The following WDR64 variants were observed in gnomAD, a reference collection of about 807,000 sequenced individuals.
The protein encoded by WDR64 is WD repeat-containing protein 64.
In WDR64, 112 loss-of-function variants were observed where a neutral mutation model predicts 139.3. That is an observed-to-expected ratio of 0.80 (90% CI 0.69 to 0.94). The LOEUF (loss-of-function observed/expected upper bound fraction) is 0.94, where lower values mean the gene tolerates loss of function less well. Ranked by LOEUF, WDR64 falls within the 40% of genes least tolerant of loss-of-function variation. The probability of loss-of-function intolerance (pLI) is 0.00; values close to 1 mark genes in which losing one functional copy is unlikely to be tolerated. For synonymous variants in WDR64, 444 were observed against 437.7 expected (o/e 1.01, Z -0.18); for missense variants, 1,206 against 1,293.1 (o/e 0.93, Z 1.03).
intron 14 of WDR64, among the ~76,000 whole-genome samples, chr1:241,755,514 G>C (rs1014156570): frequency 7.2e-5 from 11 of 152,120 alleles, no homozygotes; most frequent in African/African-American, 2.7e-4. Context: ...TAGATTGCCT[G>C]TTCACTCTGA....
rs150522021 is a variant in WDR64 at position 241,795,233 on chromosome 1, C to T, written c.3024C>T (p.Phe1008=). The T allele has an allele frequency of 1.6e-5, 26 of 1,613,832 alleles. No individual in the cohort carries two copies. The highest frequency in any genetic ancestry group is 6.7e-5 in the Admixed American group (4 of 59,982). The part of the protein sequence containing the change: ...PKIRRYPLEG[F]VTENREAGIV... The stretch of plus-strand genomic sequence containing the variant: ...TTCGAAGATATCCCTTGGAAGGTTT[C>T]GTGACTGAAAACAGAGAGGCAGGGA... The change falls in exon 26 of 28, where the codon TTC becomes TTT. Residue 1008 remains phenylalanine (F), a synonymous_variant. Coordinates refer to ENST00000437684, the MANE Select transcript of WDR64 (RefSeq NM_001367482.1).
chr1:241,683,864 TACACACAC>T (rs11473073), intron 7 of WDR64, among the ~76,000 whole-genome samples, 163 bp downstream of exon 7: 5 of 145,476 alleles, frequency 3.4e-5, no homozygotes, highest in African/African-American at 5.1e-5. Flanking sequence ...TGTTCATGTA[TACACACAC>T]ACACACACAC....
At position 241,671,054 on chromosome 1, in the gene WDR64, T is replaced by A. The variant is rs932538122; in HGVS notation, c.277-20T>A. The A allele has an allele frequency of 4.1e-6, 6 of 1,480,606 alleles. No individual in the cohort carries two copies. The East Asian group carries it at 1.5e-4, about 37-fold the overall frequency. 91.7% of individuals were successfully genotyped at this position (1,480,606 alleles called of 1,614,324 possible). ...TTCTGAGGCATGCTGCATATTTATA[T>A]GTGCTGTTTGGGATTTCAGATCTTT... On this transcript the variant is annotated intron_variant, in intron 2 of 27. Coordinates refer to ENST00000437684, the MANE Select transcript of WDR64 (RefSeq NM_001367482.1).
chr1:241,720,368 G>A (rs1444805652), intron 9 of WDR64, among the ~76,000 whole-genome samples: 1 of 152,068 alleles, frequency 6.6e-6, no homozygotes, highest in Non-Finnish European at 1.5e-5. Context: ...AGATATTTGA[G>A]GAATCGCTAC....
chr1:241,677,233 G>A, intron 4 of WDR64: 1 of 397,468 alleles, frequency 2.5e-6, no homozygotes, highest in Non-Finnish European at 4.4e-6. Context: ...CTTTAAACAG[G>A]TGACTTCCAT....
intron 21 of WDR64, among the ~76,000 whole-genome samples, chr1:241,779,362 T>C (rs1352108968): frequency 6.6e-6 from 1 of 152,204 alleles, no homozygotes; most frequent in Non-Finnish European, 1.5e-5. Context: ...CTTTGATATG[T>C]AGTTTTTGTA....
intron 2 of WDR64, among the ~76,000 whole-genome samples, chr1:241,663,988 T>A (rs1453602796): frequency 6.6e-6 from 1 of 152,260 alleles, no homozygotes; most frequent in Non-Finnish European, 1.5e-5. Flanking sequence ...GACATAAATG[T>A]ATTTAACAAG....
rs755961052 is a variant in WDR64, at chr1:241,801,139, G to T, written c.3200G>T (p.Arg1067Leu). The T allele has an allele frequency of 2.5e-6, 4 of 1,613,020 alleles. No individual in the cohort carries two copies. In the Middle Eastern group the frequency reaches 6.6e-4, roughly 267 times the overall value. ...ATGCTCTTTATTTCACAGGCACCAC[G>T]AAGAAGAAGTTTGAAAAAAAATTTA... ...GGHVQREKAPRRRSLKKNLVP... is the reference protein window; with the variant it reads ...GGHVQREKAPLRRSLKKNLVP... Residue 1067 changes from arginine to leucine, a missense_variant, in exon 28 of 28, where the codon CGA (arginine) becomes CTA (leucine). Physicochemically the swap from Arg to Leu is moderately radical, Grantham distance 102. Coordinates refer to ENST00000437684, the MANE Select transcript of WDR64 (RefSeq NM_001367482.1).
intron 7 of WDR64, among the ~76,000 whole-genome samples, chr1:241,684,288 G>GCT (rs1255264183): frequency 6.6e-6 from 1 of 152,136 alleles, no homozygotes; most frequent in Non-Finnish European, 1.5e-5. Flanking sequence ...AGAAAAATGA[G>GCT]CAAAGGTCAT....
Position 241,703,869 on chromosome 1 carries a change from A to G in WDR64, c.975-7933A>G, listed in dbSNP as rs956593320. Among the ~76,000 whole-genome samples the G allele has an allele frequency of 5.9e-5, 9 of 152,160 alleles. No homozygotes were observed. The highest frequency in any genetic ancestry group is 1.3e-4 in the Non-Finnish European group (9 of 68,038). Reference sequence around the variant, plus strand: ...CATGATGGCAGGAGAGAGAAAAGTGAGCAAAAGAGGAACTTGCCAAACACT... The same window carrying G: ...CATGATGGCAGGAGAGAGAAAAGTGGGCAAAAGAGGAACTTGCCAAACACT... On this transcript the variant is annotated intron_variant, in intron 8 of 27. Coordinates refer to ENST00000437684, the MANE Select transcript of WDR64 (RefSeq NM_001367482.1). The surrounding 1 kb of genome is among the most constrained non-coding windows in gnomAD (Gnocchi z 5.9).
At chr1:241,754,310 TTTTC>T (rs1316959385) in intron 14 of WDR64, among the ~76,000 whole-genome samples, 16 of 124,888 alleles carry the variant, frequency 1.3e-4, no homozygotes. Context: ...TTTTTCCTTT[TTTTC>T]TTTTTCTTTT....
Position 241,671,181 on chromosome 1 carries a change from C to T in WDR64, c.379+5C>T. The T allele has an allele frequency of 6.5e-7, 1 of 1,528,234 alleles. No homozygotes were observed. The highest frequency in any genetic ancestry group is 1.4e-5 in the African/African-American group (1 of 72,528). 94.7% of individuals were successfully genotyped at this position (1,528,234 alleles called of 1,614,324 possible). ...AAAGGCGAATTTTAATTTCAGGTGACATTTTAATTTTCTCTTCCAAATTAG... is the reference window on the plus strand; with the variant it reads ...AAAGGCGAATTTTAATTTCAGGTGATATTTTAATTTTCTCTTCCAAATTAG... On this transcript the variant is annotated splice_donor_5th_base_variant and intron_variant, in intron 3 of 27. Transcript: ENST00000437684.
At position 241,736,784 on chromosome 1, in the gene WDR64, T is replaced by C. The variant is rs1350960210; in HGVS notation, c.1195-1579T>C. Among the ~76,000 whole-genome samples the C allele has an allele frequency of 4.6e-5, 7 of 152,130 alleles. No homozygotes were observed. The East Asian group carries it at 1.3e-3, about 29-fold the overall frequency. ...AGATTTCAAAACATAATCACATCAATTAAATAAGGTGAATGGTGCTGATGT... is the reference window on the plus strand; with the variant it reads ...AGATTTCAAAACATAATCACATCAACTAAATAAGGTGAATGGTGCTGATGT... On this transcript the variant is annotated intron_variant, in intron 10 of 27. Coordinates refer to ENST00000437684, the MANE Select transcript of WDR64 (RefSeq NM_001367482.1).
At chr1:241,716,815 C>T (rs1668422106) in intron 9 of WDR64, among the ~76,000 whole-genome samples, 1 of 152,112 alleles carries the variant, frequency 6.6e-6, no homozygotes, top group Non-Finnish European at 1.5e-5. Context: ...AGCTGGAGGA[C>T]ATCTGTGGAG....
At chr1:241,705,337 C>T (rs376961363) in intron 8 of WDR64, among the ~76,000 whole-genome samples, 2 of 151,754 alleles carry the variant, frequency 1.3e-5, no homozygotes, top group African/African-American at 4.8e-5. Flanking sequence ...GTCAGGAGAT[C>T]GAGACCATCC....
At position 241,683,582 on chromosome 1, in the gene WDR64, G is replaced by A; in HGVS notation, c.720G>A (p.Leu240=). ...PDHLCRDDIL[L]GDDGGFVNRF... is the part of the protein sequence containing the mutation. Reference sequence around the variant, plus strand: ...ATCTCTGCCGAGATGACATCCTCTTGGGGGATGATGGGGGTTTTGTGAACA... The same window carrying A: ...ATCTCTGCCGAGATGACATCCTCTTAGGGGATGATGGGGGTTTTGTGAACA... Residue 240 remains leucine, a synonymous_variant, in exon 7 of 28, where the codon TTG becomes TTA. Coordinates refer to ENST00000437684, the MANE Select transcript of WDR64 (RefSeq NM_001367482.1). 6.4e-7 allele frequency: 1 copy of A among 1,551,630 alleles called. No homozygotes were observed. Among genetic ancestry groups the A allele is most frequent in the Non-Finnish European group, 8.7e-7 (1 of 1,146,970 alleles).
chr1:241,728,013 A>G (rs1330984114), intron 10 of WDR64, among the ~76,000 whole-genome samples: 1 of 151,938 alleles, frequency 6.6e-6, no homozygotes, highest in African/African-American at 2.4e-5. Flanking sequence ...ATCTAGGAAA[A>G]GGAAAAGGGC....
At chr1:241,778,292 G>A (rs1658733528) in intron 21 of WDR64, among the ~76,000 whole-genome samples, 1 of 152,114 alleles carries the variant, frequency 6.6e-6, no homozygotes. Flanking sequence ...TCTGAAGTCT[G>A]CTCTGTCTGA....
chr1:241,703,085 C>G lies in WDR64; in HGVS notation c.975-8717C>G, dbSNP rs1168137143. Among the ~76,000 whole-genome samples, 1 of 152,152 alleles carries G rather than the reference C, an allele frequency of 6.6e-6. No homozygotes were observed. Among genetic ancestry groups the G allele is most frequent in the Non-Finnish European group, 1.5e-5 (1 of 68,018 alleles). ...CCTTACCTGAGGCATTCTGAAATTT[C>G]TTTCCTCTTATATCATAAAGGAGAA... On this transcript the variant is annotated intron_variant, in intron 8 of 27. Coordinates refer to ENST00000437684, the MANE Select transcript of WDR64 (RefSeq NM_001367482.1). The surrounding 1 kb of genome is among the most constrained non-coding windows in gnomAD (Gnocchi z 5.9).
Sources: allele counts gnomAD v4.1 joint callset (sites outside exome capture counted in the v4.1 genomes callset), GRCh38; gene constraint gnomAD v4.1.1; non-coding constraint Gnocchi (gnomAD v3.1); transcripts MANE v1.5; gene names NCBI Gene and HGNC (gene_info 2026-07-23, HGNC 2026-07-21).